RELT: variants seen among roughly 807,000 people sequenced by gnomAD.
RELT encodes the protein tumor necrosis factor receptor superfamily member 19L.
In RELT, 37 loss-of-function variants were observed where a neutral mutation model predicts 51.1. The ratio of observed to expected loss-of-function variants is 0.72; its 90% CI spans 0.56 to 0.95. The LOEUF (loss-of-function observed/expected upper bound fraction) is 0.95, where lower values mean the gene tolerates loss of function less well. RELT is among the 40% of genes least tolerant of loss of function. The pLI, the probability that RELT is intolerant of heterozygous loss-of-function variation, is 0.00. For missense variants in RELT, 535 were observed against 572.6 expected (o/e 0.93, Z 0.67); for synonymous variants, 241 against 235.7 (o/e 1.02, Z -0.21).
intron 1 of RELT, among the ~76,000 whole-genome samples, chr11:73,380,879 A>G (rs1004444064): frequency 6.6e-6 from 1 of 152,180 alleles, no homozygotes; most frequent in South Asian, 2.1e-4. Context: ...GAGAATACCC[A>G]CTGTGTGCTG....
At chr11:73,393,140 G>T (rs1389310862) in intron 6 of RELT, 80 of 997,894 alleles carry the variant, frequency 8.0e-5, no homozygotes, top group Non-Finnish European at 9.3e-5. Flanking sequence ...GGGCTGGCAT[G>T]GGAGCCAGAG....
At chr11:73,379,547 G>T (rs550948327) in intron 1 of RELT, among the ~76,000 whole-genome samples, 1 of 152,226 alleles carries the variant, frequency 6.6e-6, no homozygotes, top group African/African-American at 2.4e-5. Context: ...TTGAGGTTCT[G>T]AGAATTCAGG....
rs759459132 is a variant in RELT, at chr11:73,394,265, A to C, written c.736A>C (p.Lys246Gln). 6.2e-7 allele frequency: 1 copy of C among 1,611,504 alleles called. No individual in the cohort carries two copies. Among genetic ancestry groups the C allele is most frequent in the East Asian group, 2.2e-5 (1 of 44,838 alleles). Residue 246 changes from lysine (K) to glutamine (Q), a missense_variant, in exon 8 of 11, where the codon AAA becomes CAA. Coordinates refer to ENST00000064780, the MANE Select transcript of RELT (RefSeq NM_152222.2). This position sits in a 1 kb window ranked among gnomAD's most constrained non-coding sequence, Gnocchi z 4.9. ...TGCTGCGGCCCTGGAGGAGCTGCTG[A>C]AAGAGTACCACAGCAAACAGCTGGT... ...ENAAALEELL[K>Q]EYHSKQLVQT...
Position 73,392,502 on chromosome 11 carries a change from G to A in RELT, c.625+34G>A, listed in dbSNP as rs201026027. 57 of 1,595,028 alleles carry A rather than the reference G, an allele frequency of 3.6e-5. No individual in the cohort carries two copies. In the East Asian group the frequency reaches 1.1e-3, roughly 30 times the overall value. ...CAGCTGGGGTCCAGGTGGGAAGGACGGGGGCACGAGCCCAGCCCCAGCTCC... is the reference window on the plus strand; with the variant it reads ...CAGCTGGGGTCCAGGTGGGAAGGACAGGGGCACGAGCCCAGCCCCAGCTCC... On this transcript the variant is annotated intron_variant, in intron 6 of 10. Transcript: ENST00000064780.
In RELT at chr11:73,396,677, G is replaced by C. The variant is rs980746626; in HGVS notation, c.*1186G>C. The C allele has an allele frequency of 2.6e-5, 4 of 152,304 alleles. No individual in the cohort carries two copies. The highest frequency in any genetic ancestry group is 9.6e-5 in the African/African-American group (4 of 41,454). The allele number at this position is 152,304 out of a possible 1,614,324, so 9.4% of individuals were successfully genotyped here. On this transcript the variant is annotated 3_prime_UTR_variant, in exon 11 of 11. Coordinates refer to ENST00000064780, the MANE Select transcript of RELT (RefSeq NM_152222.2). ...GCTCCTTTTCTCTGTGCCCTTCCCA[G>C]CTTATCCGCCTGTTCCACTTGTACC... is the stretch of plus-strand genomic sequence containing the variant.
Position 73,388,282 on chromosome 11 carries a change from A to G in RELT, c.-25-830A>G, listed in dbSNP as rs1361464660. Among the ~76,000 whole-genome samples, 1 of 152,230 alleles carries G rather than the reference A, an allele frequency of 6.6e-6. No homozygotes were observed. The highest frequency in any genetic ancestry group is 1.5e-5 in the Non-Finnish European group (1 of 68,038). On this transcript the variant is annotated intron_variant, in intron 1 of 10. Transcript: ENST00000064780. This position sits in a 1 kb window ranked among gnomAD's most constrained non-coding sequence, Gnocchi z 4.1. ...CCCTGGGATGGAGCTCCCTGCAGACAGGGACCTTGTCTGTCTTGTTCATAC... is the reference window on the plus strand; with the variant it reads ...CCCTGGGATGGAGCTCCCTGCAGACGGGGACCTTGTCTGTCTTGTTCATAC...
intron 6 of RELT, chr11:73,393,486 G>A: frequency 2.4e-6 from 3 of 1,232,066 alleles, no homozygotes; most frequent in South Asian, 3.0e-5. Flanking sequence ...TCTGGGTAGG[G>A]TGGCAGCCCA....
Position 73,394,480 on chromosome 11 carries a change from G to T in RELT, c.792G>T (p.Leu264=). Residue 264 remains leucine (L), a synonymous_variant, in exon 9 of 11, where the codon CTG becomes CTT. Transcript: ENST00000064780. The surrounding 1 kb of genome is among the most constrained non-coding windows in gnomAD (Gnocchi z 4.9). ...CTTCTGCCTGTGCCCCCTGCAGGCT[G>T]CCGCCAGCGCCCCCGAACGTGCCAC... is the stretch of plus-strand genomic sequence containing the variant. ...VQTSHRPVSK[L]PPAPPNVPHI... 6.2e-7 allele frequency: 1 copy of T among 1,609,400 alleles called. No homozygotes were observed. The highest frequency in any genetic ancestry group is 8.5e-7 in the Non-Finnish European group (1 of 1,177,976).
At position 73,395,167 on chromosome 11, in the gene RELT, C is replaced by T. The variant is rs1291504046; in HGVS notation, c.1127C>T (p.Ser376Leu). 30 of 1,613,316 alleles carry T rather than the reference C, an allele frequency of 1.9e-5. No homozygotes were observed. Among genetic ancestry groups the T allele is most frequent in the Admixed American group, 1.8e-4 (11 of 60,008 alleles). Residue 376 changes from serine (S) to leucine (L), a missense_variant, in exon 10 of 11, where the codon TCG (serine) becomes TTG (leucine). Coordinates refer to ENST00000064780, the MANE Select transcript of RELT (RefSeq NM_152222.2). Reference sequence around the variant, plus strand: ...AAGACCATCACGGAGGCTGGGCCCTCGTGGGGTGATCTCCCTGACTCCCCA... The same window carrying T: ...AAGACCATCACGGAGGCTGGGCCCTTGTGGGGTGATCTCCCTGACTCCCCA... ...EVKTITEAGP[S>L]WGDLPDSPQP... is the part of the protein sequence containing the mutation.
In RELT at chr11:73,395,204, C is replaced by A. The variant is rs760908563; in HGVS notation, c.1164C>A (p.Leu388=). The change falls in exon 10 of 11, where the codon CTC becomes CTA. Residue 388 remains leucine, a synonymous_variant. Transcript: ENST00000064780. The stretch of plus-strand genomic sequence containing the variant: ...TCCCTGACTCCCCACAGCCTGGCCT[C>A]CCCCCTGAGCAGCAGGCCCTGCTAG... ...GDLPDSPQPG[L]PPEQQALLGS... The A allele has an allele frequency of 2.5e-6, 4 of 1,613,086 alleles. No homozygotes were observed. The highest frequency in any genetic ancestry group is 1.7e-4 in the Middle Eastern group (1 of 6,060).
At chr11:73,387,966 G>A (rs1429612809) in intron 1 of RELT, among the ~76,000 whole-genome samples, 1 of 152,218 alleles carries the variant, frequency 6.6e-6, no homozygotes, top group African/African-American at 2.4e-5. Context: ...TGCCCCTGAA[G>A]CCAGGCCTCC....
At chr11:73,385,200 A>AAGGGGAGGGCCCTGCCT (rs1866105605) in intron 1 of RELT, among the ~76,000 whole-genome samples, 1 of 151,982 alleles carries the variant, frequency 6.6e-6, no homozygotes, top group Non-Finnish European at 1.5e-5. Context: ...GACTGTAGGG[A>AAGGGGAGGGCCCTGCCT]AGGGGAGGGC....
At chr11:73,385,013 T>G (rs1230869518) in intron 1 of RELT, among the ~76,000 whole-genome samples, 7 of 126,218 alleles carry the variant, frequency 5.5e-5, no homozygotes, top group South Asian at 5.2e-4. Flanking sequence ...GGCGTGTGGG[T>G]GGGGGAGGTT....
intron 1 of RELT, 91 bp downstream of exon 1, chr11:73,376,590 C>G (rs1209699679): frequency 6.6e-6 from 1 of 151,866 alleles, no homozygotes; most frequent in East Asian, 1.9e-4. Context: ...CCTGCCTCCC[C>G]GTGTCTCTGA....
At chr11:73,383,051 T>C (rs1385284591) in intron 1 of RELT, among the ~76,000 whole-genome samples, 1 of 152,124 alleles carries the variant, frequency 6.6e-6, no homozygotes, top group Non-Finnish European at 1.5e-5. Context: ...AGGTCTGAGG[T>C]GCAGAACCAT....
chr11:73,390,669 A>G (rs769564929), intron 3 of RELT, 44 bp downstream of exon 3: 1 of 1,611,690 alleles, frequency 6.2e-7, no homozygotes, highest in East Asian at 2.2e-5. Context: ...GAGGGCCCTG[A>G]GGGCCAGGGG....
At chr11:73,391,304 A>G in intron 5 of RELT, 81 bp downstream of exon 5, 2 of 1,320,350 alleles carry the variant, frequency 1.5e-6, no homozygotes, top group Admixed American at 3.8e-5. Flanking sequence ...CAGCCTCTGC[A>G]GTGTTCATGT....
chr11:73,386,778 C>T (rs1043514471), intron 1 of RELT, among the ~76,000 whole-genome samples: 3 of 152,126 alleles, frequency 2.0e-5, no homozygotes, highest in African/African-American at 7.2e-5. Context: ...GGGCTCAGGT[C>T]ACCTAGCAGG....
At chr11:73,378,646 G>C (rs1456240531) in intron 1 of RELT, among the ~76,000 whole-genome samples, 1 of 152,236 alleles carries the variant, frequency 6.6e-6, no homozygotes, top group Admixed American at 6.5e-5. Flanking sequence ...GCGTGGCCTA[G>C]CCAGGGCATT....
Sources: gnomAD v4.1 joint callset for allele counts (sites outside exome capture counted in the v4.1 genomes callset) on GRCh38, gnomAD v4.1.1 for gene constraint, Gnocchi (gnomAD v3.1) non-coding constraint, MANE v1.5 for transcripts, NCBI Gene and HGNC (gene_info 2026-07-23, HGNC 2026-07-21) for gene names.